The following MYO7B variants were observed in gnomAD, a reference collection of about 807,000 sequenced individuals.
MYO7B encodes the protein unconventional myosin-VIIb.
In MYO7B, 212 loss-of-function variants were observed where a neutral mutation model predicts 259.7. The observed-to-expected ratio is 0.82, with a 90% CI of 0.73 to 0.91. The LOEUF (loss-of-function observed/expected upper bound fraction) is 0.91, where lower values mean the gene tolerates loss of function less well. Ranked by LOEUF, MYO7B falls within the 40% of genes least tolerant of loss-of-function variation. MYO7B has a pLI of 0.00. For synonymous variants in MYO7B, 1,197 were observed against 1,166.4 expected (o/e 1.03, Z -0.54); for missense variants, 2,732 against 2,813.5 (o/e 0.97, Z 0.66).
At chr2:127,624,469 C>T (rs2105091785) in intron 30 of MYO7B, 149 bp downstream of exon 30, 1 of 725,670 alleles carries the variant, frequency 1.4e-6, no homozygotes, top group East Asian at 2.7e-5. Flanking sequence ...CAGGCCCAGC[C>T]TCTGTTTCCT....
chr2:127,537,912 AG>A (rs1692852660), intron 1 of MYO7B, among the ~76,000 whole-genome samples: 1 of 152,216 alleles, frequency 6.6e-6, no homozygotes, highest in Non-Finnish European at 1.5e-5. Flanking sequence ...CTCAGGATGA[AG>A]TCAAGTTTTC....
At position 127,559,750 on chromosome 2, in the gene MYO7B, G is replaced by A. The variant is rs2104845555; in HGVS notation, c.18+10G>A. On this transcript the variant is annotated intron_variant, in intron 2 of 47. Transcript: ENST00000409816. This position sits in a 1 kb window ranked among gnomAD's most constrained non-coding sequence, Gnocchi z 4.1. Reference sequence around the variant, plus strand: ...GTCGGGGTTCAGGCTGGTAAGAATTGTATGATTTGATCTAGGGGTTATTGG... The same window carrying A: ...GTCGGGGTTCAGGCTGGTAAGAATTATATGATTTGATCTAGGGGTTATTGG... 6.2e-7 allele frequency: 1 copy of A among 1,613,894 alleles called. No individual in the cohort carries two copies. Among genetic ancestry groups the A allele is most frequent in the Non-Finnish European group, 8.5e-7 (1 of 1,179,844 alleles).
chr2:127,609,810 T>C lies in MYO7B; in HGVS notation c.3025-39T>C. 1 of 1,612,862 alleles carries C rather than the reference T, an allele frequency of 6.2e-7. No homozygotes were observed. The highest frequency in any genetic ancestry group is 2.2e-5 in the East Asian group (1 of 44,836). Reference sequence around the variant, plus strand: ...GAAAGAAGGAAGGGGCCATAGTCACTGATGGGTTCCCACTGGGCCTTCTGT... The same window carrying C: ...GAAAGAAGGAAGGGGCCATAGTCACCGATGGGTTCCCACTGGGCCTTCTGT... On this transcript the variant is annotated intron_variant, in intron 23 of 47. Coordinates refer to ENST00000409816, the MANE Select transcript of MYO7B (RefSeq NM_001393586.1). The surrounding 1 kb of genome is among the most constrained non-coding windows in gnomAD (Gnocchi z 6.9).
At chr2:127,634,413 C>A in intron 41 of MYO7B, 124 bp downstream of exon 41, 3 of 923,574 alleles carry the variant, frequency 3.2e-6, no homozygotes, top group Non-Finnish European at 4.9e-6. Flanking sequence ...ACGGCCAGGG[C>A]TGCTGGGACA....
chr2:127,571,435 C>A (rs1678600937), intron 6 of MYO7B, among the ~76,000 whole-genome samples: 1 of 28,162 alleles, frequency 3.6e-5, no homozygotes, highest in Non-Finnish European at 7.6e-5. Context: ...TATTTCCTTA[C>A]CAGTGAGTTT....
chr2:127,580,392 G>C (rs1339425914), intron 9 of MYO7B, among the ~76,000 whole-genome samples: 1 of 152,252 alleles, frequency 6.6e-6, no homozygotes, highest in Non-Finnish European at 1.5e-5. Flanking sequence ...CAGCAGCATG[G>C]ACTGAGGGGC....
At position 127,569,858 on chromosome 2, in the gene MYO7B, C is replaced by A. The variant is rs762713648; in HGVS notation, c.540C>A (p.Gly180=). 1 of 1,613,374 alleles carries A rather than the reference C, an allele frequency of 6.2e-7. No individual in the cohort carries two copies. The highest frequency in any genetic ancestry group is 8.5e-7 in the Non-Finnish European group (1 of 1,179,622). Residue 180 remains glycine (G), a synonymous_variant, in exon 6 of 48, where the codon GGC becomes GGA. Transcript: ENST00000409816. ...LILQFLATIS[G]QHSWIEQQVL... is the part of the protein sequence containing the mutation. ...TGCAGTTCCTGGCCACCATCAGTGG[C>A]CAGCATTCGTGGATTGAGCAGCAGG...
chr2:127,556,929 C>T (rs1677852559), intron 1 of MYO7B, among the ~76,000 whole-genome samples: 1 of 152,154 alleles, frequency 6.6e-6, no homozygotes, highest in South Asian at 2.1e-4. Flanking sequence ...ATGTCTAGAT[C>T]TCTAGCAAGG....
At chr2:127,632,859 G>A (rs1558854298) in intron 39 of MYO7B, among the ~76,000 whole-genome samples, 1 of 152,234 alleles carries the variant, frequency 6.6e-6, no homozygotes, top group Non-Finnish European at 1.5e-5. Flanking sequence ...CAGGTTGACT[G>A]TAGGAGTGGC....
intron 1 of MYO7B, among the ~76,000 whole-genome samples, chr2:127,557,109 ATTGAG>A (rs1677861881): frequency 6.6e-6 from 1 of 152,048 alleles, no homozygotes; most frequent in Non-Finnish European, 1.5e-5. Flanking sequence ...TCTTTGTTGA[ATTGAG>A]TTAATTCTGA....
Position 127,635,852 on chromosome 2 carries a change from G to C in MYO7B, c.5951G>C (p.Arg1984Thr), listed in dbSNP as rs779139710. ...CTGGCTAGTGTCCCCAAGATCCTGA[G>C]GGAACTGGTGCCTGAGAACCTCACA... ...SQLASVPKIL[R>T]ELVPENLTRL... Residue 1984 changes from arginine (R) to threonine (T), a missense_variant, in exon 44 of 48, where the codon AGG becomes ACG. Around this residue, in one of 3 missense-constraint regions of MYO7B, gnomAD observed 821 missense variants for 769.3 expected, o/e 1.07. Coordinates refer to ENST00000409816, the MANE Select transcript of MYO7B (RefSeq NM_001393586.1). The C allele has an allele frequency of 6.3e-7, 1 of 1,584,076 alleles. No individual in the cohort carries two copies. The highest frequency in any genetic ancestry group is 1.2e-5 in the South Asian group (1 of 86,462).
rs759394177 is a variant in MYO7B, at chr2:127,636,247, G to C, written c.6046G>C (p.Val2016Leu). The C allele has an allele frequency of 6.2e-5, 100 of 1,613,572 alleles. No individual in the cohort carries two copies. The highest frequency in any genetic ancestry group is 8.1e-5 in the Non-Finnish European group (96 of 1,179,834). The change falls in exon 45 of 48, where the codon GTG becomes CTG. Residue 2016 changes from valine (V) to leucine (L), a missense_variant. Physicochemically the swap from Val to Leu is conservative, Grantham distance 32. Around this residue, in one of 3 missense-constraint regions of MYO7B, gnomAD observed 821 missense variants for 769.3 expected, o/e 1.07. Transcript: ENST00000409816. The surrounding 1 kb of genome is among the most constrained non-coding windows in gnomAD (Gnocchi z 4.5). ...LAYDKHKDKT[V>L]EEAKVAFLKW... Reference sequence around the variant, plus strand: ...CTATGACAAGCATAAGGACAAGACAGTGGAGGAGGCCAAGGTGGCCTTCCT... The same window carrying C: ...CTATGACAAGCATAAGGACAAGACACTGGAGGAGGCCAAGGTGGCCTTCCT...
At chr2:127,564,618 G>A (rs1314036210) in intron 3 of MYO7B, among the ~76,000 whole-genome samples, 1 of 152,174 alleles carries the variant, frequency 6.6e-6, no homozygotes, top group Non-Finnish European at 1.5e-5. Context: ...AGCTGGAGTG[G>A]CCCGGGAGTG....
chr2:127,618,137 G>A (rs1265406586), intron 26 of MYO7B, among the ~76,000 whole-genome samples: 1 of 152,048 alleles, frequency 6.6e-6, no homozygotes, highest in Non-Finnish European at 1.5e-5. Context: ...GTCCCTGATT[G>A]TCCCTGTTAC....
chr2:127,593,495 C>G (rs897930950), intron 17 of MYO7B, 51 bp from the exon 18 acceptor site: 2 of 1,559,558 alleles, frequency 1.3e-6, no homozygotes, highest in Non-Finnish European at 1.8e-6. Context: ...AGAGAGCCGC[C>G]GAGGGGTCTC....
Position 127,588,514 on chromosome 2 carries a change from G to A in MYO7B, c.1813G>A (p.Gly605Arg). 6.2e-7 allele frequency: 1 copy of A among 1,613,286 alleles called. No homozygotes were observed. The highest frequency in any genetic ancestry group is 8.5e-7 in the Non-Finnish European group (1 of 1,179,860). The change falls in exon 15 of 48, where the codon GGG becomes AGG. Residue 605 changes from glycine (G) to arginine (R), a missense_variant. By Grantham distance (125) the Gly-to-Arg change is moderately radical. This residue lies in a region of MYO7B where 1,906 missense variants were observed against 2,026.4 expected (regional missense o/e 0.94). Coordinates refer to ENST00000409816, the MANE Select transcript of MYO7B (RefSeq NM_001393586.1). ...LELAETKLGH[G>R]TIRQAKAGNH... ...GTTAGCAGAGACCAAGCTGGGCCAT[G>A]GGACCATCCGCCAGGCAAAGGCAGG...
At position 127,614,144 on chromosome 2, in the gene MYO7B, G is replaced by C. The variant is rs1680487375; in HGVS notation, c.3398+1541G>C. Among the ~76,000 whole-genome samples the C allele has an allele frequency of 6.6e-6, 1 of 152,104 alleles. No individual in the cohort carries two copies. The highest frequency in any genetic ancestry group is 6.5e-5 in the Admixed American group (1 of 15,268). On this transcript the variant is annotated intron_variant, in intron 26 of 47. Transcript: ENST00000409816. The surrounding 1 kb of genome is among the most constrained non-coding windows in gnomAD (Gnocchi z 4.6). ...CCTCCAATATGGCAGACACATAAAA[G>C]CTATATTCGAATGATGTGTACTTTG...
Position 127,635,034 on chromosome 2 carries a change from G to A in MYO7B, c.5714-86G>A, listed in dbSNP as rs1230485125. The A allele has an allele frequency of 7.6e-6, 8 of 1,053,708 alleles. No homozygotes were observed. The African/African-American group carries it at 9.4e-5, about 12-fold the overall frequency. The allele number at this position is 1,053,708 out of a possible 1,614,324, so 65.3% of individuals were successfully genotyped here. On this transcript the variant is annotated intron_variant, in intron 42 of 47. Transcript: ENST00000409816. The stretch of plus-strand genomic sequence containing the variant: ...TGGGGGCTTTCGAGGCAGGGAGGTG[G>A]CAGGCGCAGTGTGGGGGGTGGCAGG...
At chr2:127,599,951 C>T (rs531534513) in intron 19 of MYO7B, among the ~76,000 whole-genome samples, 8 of 152,152 alleles carry the variant, frequency 5.3e-5, no homozygotes, top group Admixed American at 1.3e-4. Context: ...ATATTCATGA[C>T]GTCTGAGGAT....
Sources: gnomAD v4.1 joint callset for allele counts (sites outside exome capture counted in the v4.1 genomes callset) on GRCh38, gnomAD v4.1.1 for gene constraint, gnomAD v4.1.1 regional missense constraint, Gnocchi (gnomAD v3.1) non-coding constraint, MANE v1.5 for transcripts, NCBI Gene and HGNC (gene_info 2026-07-23, HGNC 2026-07-21) for gene names.